Variants in ZNF638 observed in about 807,000 individuals in gnomAD.
ZNF638 encodes the protein zinc finger protein 638, also known as CTCL tumor antigen se33-1.
Under a neutral mutation model 195.6 loss-of-function variants are expected in ZNF638, and 46 were observed. The observed-to-expected ratio is 0.24, with a 90% CI of 0.19 to 0.30. The LOEUF is 0.30. ZNF638 is among the 10% of genes least tolerant of loss of function. The pLI, the probability that ZNF638 is intolerant of heterozygous loss-of-function variation, is 1.00. For missense variants in ZNF638, 2,440 were observed against 2,325.3 expected (o/e 1.05, Z -1.01); for synonymous variants, 845 against 772.0 (o/e 1.09, Z -1.57).
intron 3 of ZNF638, among the ~76,000 whole-genome samples, chr2:71,360,259 C>T (rs1293181691): frequency 6.6e-6 from 1 of 152,208 alleles, no homozygotes; most frequent in African/African-American, 2.4e-5. Context: ...TATCTTCATA[C>T]ATTTTTTTCT....
intron 1 of ZNF638, among the ~76,000 whole-genome samples, chr2:71,347,405 A>G (rs78532046): frequency 6.6e-6 from 1 of 152,306 alleles, no homozygotes; most frequent in African/African-American, 2.4e-5. Flanking sequence ...GATAAAGACC[A>G]TTTTCCCAGC....
At chr2:71,409,883 G>A (rs927750121) in intron 20 of ZNF638, among the ~76,000 whole-genome samples, 9 of 152,104 alleles carry the variant, frequency 5.9e-5, no homozygotes, top group African/African-American at 2.2e-4. Flanking sequence ...CACGTCACAG[G>A]TGGTTTTTCT....
chr2:71,368,799 C>G (rs10203877), intron 7 of ZNF638, among the ~76,000 whole-genome samples: 1 of 152,180 alleles, frequency 6.6e-6, no homozygotes, highest in Non-Finnish European at 1.5e-5. Context: ...CTCTGGCATT[C>G]TAGTACAAAA....
Position 71,408,197 on chromosome 2 carries a change from G to C in ZNF638, c.3211G>C (p.Gly1071Arg), listed in dbSNP as rs953375407. The change falls in exon 20 of 28, where the codon GGT (glycine) becomes CGT (arginine). Residue 1071 changes from glycine (G) to arginine (R), a missense_variant. By Grantham distance (125) the Gly-to-Arg change is moderately radical. This residue lies in a region of ZNF638 where 1,883 missense variants were observed against 1,739.1 expected (regional missense o/e 1.08). Coordinates refer to ENST00000264447, the MANE Select transcript of ZNF638 (RefSeq NM_014497.5). The part of the protein sequence containing the change: ...SFLKQNPQNI[G>R]DHMLTCSLSP... ...TCTGAAACAAAATCCACAAAATATT[G>C]GTGACCATATGTTGACCTGCTCATT... The C allele has an allele frequency of 6.2e-7, 1 of 1,613,198 alleles. No individual in the cohort carries two copies. The highest frequency in any genetic ancestry group is 1.1e-5 in the South Asian group (1 of 91,026).
chr2:71,351,554 T>G (rs11904616), intron 2 of ZNF638, among the ~76,000 whole-genome samples: 40,234 of 152,086 alleles, frequency 0.26, 6,989 homozygotes, highest in African/African-American at 0.49. Context: ...ACCACATAAT[T>G]TTTTTTAATT....
At chr2:71,365,058 T>C (rs896454023) in intron 5 of ZNF638, among the ~76,000 whole-genome samples, 2 of 152,256 alleles carry the variant, frequency 1.3e-5, no homozygotes, top group African/African-American at 4.8e-5. Flanking sequence ...TATGTTAATA[T>C]GGGAATTTAC....
chr2:71,332,212 A>T (rs921064916), intron 1 of ZNF638, among the ~76,000 whole-genome samples: 1 of 152,204 alleles, frequency 6.6e-6, no homozygotes, highest in Non-Finnish European at 1.5e-5. Context: ...GGCGAGGCCG[A>T]GGCGGCCCCT....
At position 71,423,974 on chromosome 2, in the gene ZNF638, C is replaced by T; in HGVS notation, c.4460C>T (p.Thr1487Ile). 1 of 1,614,036 alleles carries T rather than the reference C, an allele frequency of 6.2e-7. No homozygotes were observed. Residue 1487 changes from threonine (T) to isoleucine (I), a missense_variant, in exon 22 of 28, where the codon ACA (threonine) becomes ATA (isoleucine). Coordinates refer to ENST00000264447, the MANE Select transcript of ZNF638 (RefSeq NM_014497.5). ...KLSKLDYRDI[T>I]KQSQETEARP... ...TCTAAACTGGATTACAGAGATATAA[C>T]AAAACAATCTCAGGAAACAGAGGCT... is the stretch of plus-strand genomic sequence containing the variant.
At chr2:71,390,812 T>A (rs1001991387) in intron 10 of ZNF638, among the ~76,000 whole-genome samples, 2 of 152,136 alleles carry the variant, frequency 1.3e-5, no homozygotes, top group Non-Finnish European at 2.9e-5. Flanking sequence ...CAGCACTGGC[T>A]AAGTGCACAC....
At chr2:71,333,786 ATTAC>A (rs1464130329) in intron 1 of ZNF638, among the ~76,000 whole-genome samples, 18 of 152,156 alleles carry the variant, frequency 1.2e-4, no homozygotes, top group Admixed American at 2.6e-4. Flanking sequence ...TGGTGACATT[ATTAC>A]TTCCTGCTTG....
chr2:71,396,452 C>A (rs989955907), intron 11 of ZNF638, among the ~76,000 whole-genome samples: 12 of 152,174 alleles, frequency 7.9e-5, no homozygotes, highest in African/African-American at 2.9e-4. Context: ...TTATTGAGGT[C>A]TCTCTTCTTC....
chr2:71,421,704 T>C (rs1307084143), intron 21 of ZNF638, among the ~76,000 whole-genome samples: 1 of 152,222 alleles, frequency 6.6e-6, no homozygotes, highest in Non-Finnish European at 1.5e-5. Flanking sequence ...AAGTCAGTAC[T>C]TTTTAATAAT....
chr2:71,429,052 ATACTT>A (rs1157128412), intron 25 of ZNF638: 2 of 158,394 alleles, frequency 1.3e-5, no homozygotes, highest in Non-Finnish European at 2.8e-5. Flanking sequence ...GTGAGAGAGA[ATACTT>A]TAGTCACTCA....
At chr2:71,350,821 A>G (rs1387585420) in intron 2 of ZNF638, among the ~76,000 whole-genome samples, 1 of 152,252 alleles carries the variant, frequency 6.6e-6, no homozygotes, top group East Asian at 1.9e-4. Context: ...AGCAAAAATA[A>G]GTCAAGGTGC....
intron 3 of ZNF638, among the ~76,000 whole-genome samples, chr2:71,362,343 T>G (rs553962273): frequency 1.3e-5 from 2 of 152,328 alleles, no homozygotes; most frequent in Admixed American, 1.3e-4. Context: ...TCTAAATATC[T>G]CAGCTCTCAT....
chr2:71,428,131 G>C (rs758311993), intron 24 of ZNF638, among the ~76,000 whole-genome samples: 11 of 152,272 alleles, frequency 7.2e-5, no homozygotes, highest in Non-Finnish European at 1.5e-4. Context: ...GGTCGAGGTT[G>C]TGGTGAGCAA....
chr2:71,424,172 T>C (rs1279464260), intron 22 of ZNF638, 134 bp downstream of exon 22: 29 of 1,209,318 alleles, frequency 2.4e-5, no homozygotes, highest in Non-Finnish European at 3.2e-5. Flanking sequence ...CCCATTTCCT[T>C]TTCTTAAATG....
chr2:71,340,954 T>C (rs545415222), intron 1 of ZNF638, among the ~76,000 whole-genome samples: 9 of 152,342 alleles, frequency 5.9e-5, no homozygotes, highest in African/African-American at 1.9e-4. Context: ...TTGATATAAA[T>C]CTTTTCCTTA....
chr2:71,333,304 C>T (rs2078605853), intron 1 of ZNF638, among the ~76,000 whole-genome samples: 1 of 152,118 alleles, frequency 6.6e-6, no homozygotes, highest in South Asian at 2.1e-4. Context: ...TATGCTGGGC[C>T]ATTCCTTCCT....
Sources: allele counts gnomAD v4.1 joint callset (sites outside exome capture counted in the v4.1 genomes callset), GRCh38; gene constraint gnomAD v4.1.1; regional missense constraint gnomAD v4.1.1; transcripts MANE v1.5; gene names NCBI Gene and HGNC (gene_info 2026-07-23, HGNC 2026-07-21).